Variants in TBC1D16 observed in about 807,000 individuals in gnomAD.
The protein encoded by TBC1D16 is TBC1 domain family member 16, also known as CTD-2529O21.1.
A neutral mutation model predicts 74.7 loss-of-function variants in TBC1D16; 58 were observed. The ratio of observed to expected loss-of-function variants is 0.78; its 90% confidence interval spans 0.63 to 0.97. The LOEUF (loss-of-function observed/expected upper bound fraction) is 0.97, where lower values mean the gene tolerates loss of function less well. Among genes scored for constraint, TBC1D16 ranks in the 50% least tolerant of loss-of-function variants. The pLI, the probability that TBC1D16 is intolerant of heterozygous loss-of-function variation, is 0.00. For synonymous variants in TBC1D16, 493 were observed against 474.7 expected, an observed-to-expected ratio of 1.04 and a Z score of -0.50; for missense variants, 1,014 against 1,079.5, an observed-to-expected ratio of 0.94 and a Z score of 0.85.
rs2032788632 is a variant in TBC1D16, at chr17:79,948,857, C to T, written c.1541+15G>A. The T allele has an allele frequency of 1.2e-6, 2 of 1,613,918 alleles. No homozygotes were observed. The highest frequency in any genetic ancestry group is 8.5e-7 in the Non-Finnish European group (1 of 1,179,866). On this transcript the variant is annotated intron_variant, in intron 8 of 11. Coordinates refer to ENST00000310924, the MANE Select transcript of TBC1D16 (RefSeq NM_019020.4). ...GACTTGCAGATGGGAAAGGAGCTGGCTGGGGAGGGAGTACCTCATGCTCTC... is the reference window on the plus strand; with the variant it reads ...GACTTGCAGATGGGAAAGGAGCTGGTTGGGGAGGGAGTACCTCATGCTCTC...
intron 3 of TBC1D16, among the ~76,000 whole-genome samples, chr17:79,972,434 CA>C (rs543909191): frequency 2.0e-5 from 3 of 150,702 alleles, no homozygotes; most frequent in South Asian, 4.2e-4. Context: ...CTTGGCCTCC[CA>C]AAAAAAAAGT....
intron 3 of TBC1D16, among the ~76,000 whole-genome samples, chr17:79,969,137 A>T (rs951966736): frequency 2.6e-5 from 4 of 152,226 alleles, no homozygotes; most frequent in African/African-American, 9.6e-5. Context: ...CTGTAATCCC[A>T]GTACTTTGGG....
At chr17:80,003,787 T>C (rs1275203511) in intron 3 of TBC1D16, among the ~76,000 whole-genome samples, 1 of 152,230 alleles carries the variant, frequency 6.6e-6, no homozygotes, top group South Asian at 2.1e-4. Flanking sequence ...ACGCGGCTCA[T>C]GCCTGTAATC....
chr17:79,991,195 C>G (rs2035044209), intron 3 of TBC1D16, among the ~76,000 whole-genome samples: 1 of 152,238 alleles, frequency 6.6e-6, no homozygotes, highest in South Asian at 2.1e-4. Flanking sequence ...GCTGGGCTGT[C>G]CCGGGGGCGG....
At chr17:79,967,541 A>G (rs1332662852) in intron 3 of TBC1D16, among the ~76,000 whole-genome samples, 1 of 152,260 alleles carries the variant, frequency 6.6e-6, no homozygotes, top group African/African-American at 2.4e-5. Context: ...CAATACACGT[A>G]CACACACAAG....
At chr17:80,028,309 T>A (rs1174706837) in intron 1 of TBC1D16, among the ~76,000 whole-genome samples, 1 of 152,134 alleles carries the variant, frequency 6.6e-6, no homozygotes, top group East Asian at 1.9e-4. Context: ...GGCAGTTGCA[T>A]CACCTGAAGT....
rs1471574117 is a variant in TBC1D16, at chr17:80,018,340, G to GTGGC, written c.-62-4732_-62-4731insGCCA. ...TCTGTAGCCCAGGCTGGAGTGCAAC[G>GTGGC]GTGCAATCTCGGCTCACTGCAAGCT... On this transcript the variant is annotated intron_variant, in intron 1 of 11. Transcript: ENST00000310924. Among the ~76,000 whole-genome samples the GTGGC allele has an allele frequency of 3.0e-4, 45 of 148,706 alleles. 5 individuals carry two copies. Among genetic ancestry groups the GTGGC allele is most frequent in the African/African-American group, 1.0e-3 (39 of 38,640 alleles).
At position 80,017,680 on chromosome 17, in the gene TBC1D16, CAAAAAAAA is replaced by C. The variant is rs57336950; in HGVS notation, c.-62-4079_-62-4072del. 3.8e-4 allele frequency among the ~76,000 whole-genome samples: 32 copies of C among 84,848 alleles called. 1 individual carries two copies. The highest frequency in any genetic ancestry group is 2.1e-3 in the East Asian group (6 of 2,856). 55.7% of individuals were successfully genotyped at this position (84,848 alleles called of 152,430 possible). A position where few individuals can be genotyped will look rare whatever the true frequency, so the allele number is the denominator to read the frequency against. The stretch of plus-strand genomic sequence containing the variant: ...TGGGCGACAGAGCAAGACTCCATCT[CAAAAAAAA>C]AAAAAAAAAAAAAAAGTAAAAACCA... On this transcript the variant is annotated intron_variant, in intron 1 of 11. Transcript: ENST00000310924.
At chr17:79,991,697 T>C (rs1255476702) in intron 3 of TBC1D16, among the ~76,000 whole-genome samples, 2 of 5,126 alleles carry the variant, frequency 3.9e-4, no homozygotes, top group Non-Finnish European at 8.3e-4. Context: ...CACAGGCAGG[T>C]GGGGGTGGGG....
chr17:79,940,823 G>T lies in TBC1D16; in HGVS notation c.*36C>A. The T allele has an allele frequency of 1.3e-6, 2 of 1,491,026 alleles. No homozygotes were observed. Among genetic ancestry groups the T allele is most frequent in the South Asian group, 1.4e-5 (1 of 73,568 alleles). 92.4% of individuals were successfully genotyped at this position (1,491,026 alleles called of 1,614,324 possible). A position where few individuals can be genotyped will look rare whatever the true frequency, so the allele number is the denominator to read the frequency against. On this transcript the variant is annotated 3_prime_UTR_variant, in exon 12 of 12. Transcript: ENST00000310924. The surrounding 1 kb of genome is among the most constrained non-coding windows in gnomAD (Gnocchi z 5.4). ...TCCCGTGCCCAGGGCCTCTGAGGAG[G>T]TCCCCTCAACCCCTGTCCGGTGTCG...
rs563961806 is a variant in TBC1D16 at position 80,010,219 on chromosome 17, C to T, written c.720G>A (p.Ser240=). 93 of 1,613,102 alleles carry T rather than the reference C, an allele frequency of 5.8e-5. No homozygotes were observed. The South Asian group carries it at 8.4e-4, about 14-fold the overall frequency. ...TCTCGGCCAGCGCCGCGCTGATGGG[C>T]GAGAGGCAGAAGGGCGAGGAGAAGG... The part of the protein sequence containing the change: ...SDTFSSPFCL[S]PISAALAESR... Residue 240 remains serine, a synonymous_variant, in exon 3 of 12, where the codon TCG becomes TCA. Coordinates refer to ENST00000310924, the MANE Select transcript of TBC1D16 (RefSeq NM_019020.4). This position sits in a 1 kb window ranked among gnomAD's most constrained non-coding sequence, Gnocchi z 8.8.
chr17:79,966,137 G>A (rs765797124), intron 3 of TBC1D16, among the ~76,000 whole-genome samples: 1 of 152,152 alleles, frequency 6.6e-6, no homozygotes, highest in African/African-American at 2.4e-5. Flanking sequence ...GTGGCCTTCC[G>A]TGGCTTGCAG....
At chr17:80,002,331 C>T (rs184205766) in intron 3 of TBC1D16, among the ~76,000 whole-genome samples, 6 of 152,354 alleles carry the variant, frequency 3.9e-5, no homozygotes, top group East Asian at 3.9e-4. Context: ...GATACTCGGT[C>T]GACAAGGAGC....
At chr17:79,972,733 G>A (rs2034165613) in intron 3 of TBC1D16, among the ~76,000 whole-genome samples, 1 of 152,132 alleles carries the variant, frequency 6.6e-6, no homozygotes, top group Non-Finnish European at 1.5e-5. Flanking sequence ...GGAGAGTATG[G>A]TGATGGCTGC....
At position 79,951,452 on chromosome 17, in the gene TBC1D16, G is replaced by A; in HGVS notation, c.1087C>T (p.Gln363Ter). Reference protein sequence around the residue: ...KYCTEMQLKDQQVAPDKTCMQ... With the variant: ...KYCTEMQLKD ...TCTGGGGCCGTCTGCTGGGCTACCT[G>A]GTCTTTGAGCTGCATCTCGGTGCAG... Residue 363 changes from glutamine (Q) to a stop codon, truncating the protein, a stop_gained and splice_region_variant, in exon 5 of 12, where the codon CAG (glutamine) becomes TAG (stop). Coordinates refer to ENST00000310924, the MANE Select transcript of TBC1D16 (RefSeq NM_019020.4). LOFTEE classifies it high-confidence loss of function. 6.2e-7 allele frequency: 1 copy of A among 1,613,398 alleles called. No individual in the cohort carries two copies. Among genetic ancestry groups the A allele is most frequent in the Non-Finnish European group, 8.5e-7 (1 of 1,179,756 alleles).
rs977343190 is a variant in TBC1D16, at chr17:79,986,962, G to A, written c.779+23198C>T. Among the ~76,000 whole-genome samples, 25 of 152,236 alleles carry A rather than the reference G, an allele frequency of 1.6e-4. No individual in the cohort carries two copies. The highest frequency in any genetic ancestry group is 6.0e-4 in the African/African-American group (25 of 41,458). On this transcript the variant is annotated intron_variant, in intron 3 of 11. Coordinates refer to ENST00000310924, the MANE Select transcript of TBC1D16 (RefSeq NM_019020.4). The surrounding 1 kb of genome is among the most constrained non-coding windows in gnomAD (Gnocchi z 6.0). The stretch of plus-strand genomic sequence containing the variant: ...TTGGCTCCCTTCCCGGGATGGCCTT[G>A]TAGCAAATCCATCTGGGATATGTTT...
chr17:79,952,376 G>C (rs867534436), intron 4 of TBC1D16, among the ~76,000 whole-genome samples: 28 of 152,348 alleles, frequency 1.8e-4, no homozygotes, highest in Admixed American at 4.6e-4. Flanking sequence ...GCCCTGGTTT[G>C]GTTTCTTCTC....
At chr17:80,029,327 T>A (rs2036695577) in intron 1 of TBC1D16, among the ~76,000 whole-genome samples, 1 of 152,012 alleles carries the variant, frequency 6.6e-6, no homozygotes, top group Admixed American at 6.6e-5. Context: ...GGGCAGCAGA[T>A]CTATTCTTTC....
At chr17:79,995,642 G>A (rs1009565647) in intron 3 of TBC1D16, among the ~76,000 whole-genome samples, 4 of 150,214 alleles carry the variant, frequency 2.7e-5, no homozygotes, top group East Asian at 2.0e-4. Flanking sequence ...AAAATTAGCC[G>A]GGCGTGGTGG....
Sources: gnomAD v4.1 joint callset for allele counts (sites outside exome capture counted in the v4.1 genomes callset) on GRCh38, gnomAD v4.1.1 for gene constraint, Gnocchi (gnomAD v3.1) non-coding constraint, MANE v1.5 for transcripts, NCBI Gene and HGNC (gene_info 2026-07-23, HGNC 2026-07-21) for gene names.